The following ENTREP2 variants were observed in gnomAD, a reference collection of about 807,000 sequenced individuals.
The protein encoded by ENTREP2 is protein ENTREP2.
chr15:29,604,316 C>A, the ENTREP2 span, among the ~76,000 whole-genome samples: 1 of 152,026 alleles, frequency 6.6e-6, no homozygotes, highest in Non-Finnish European at 1.5e-5. Flanking sequence ...ACATTGTGGT[C>A]GAGAATAGAA....
chr15:29,269,975 C>T, the ENTREP2 span: 1 of 420,020 alleles, frequency 2.4e-6, no homozygotes, highest in Non-Finnish European at 4.2e-6. Flanking sequence ...GTTACCAAAC[C>T]ATGCAAACAG....
chr15:29,182,009 T>C, the ENTREP2 span, among the ~76,000 whole-genome samples: 1 of 151,888 alleles, frequency 6.6e-6, no homozygotes, highest in Non-Finnish European at 1.5e-5. Context: ...ATGTGAAGAC[T>C]GGAAAAGAAG....
chr15:29,674,725 G>C, the ENTREP2 span, among the ~76,000 whole-genome samples: 2 of 150,962 alleles, frequency 1.3e-5, no homozygotes, highest in African/African-American at 4.9e-5. Flanking sequence ...AGGGAAGGAG[G>C]GGGTGTGGAG....
chr15:29,610,809 T>G, the ENTREP2 span: 9 of 140,850 alleles, frequency 6.4e-5, 1 homozygote, highest in African/African-American at 1.0e-4. Flanking sequence ...GTGACTATTC[T>G]GCACTGAAAC....
the ENTREP2 span, among the ~76,000 whole-genome samples, chr15:29,648,083 C>A: frequency 6.8e-6 from 1 of 146,344 alleles, no homozygotes. Context: ...ATACCGGCTC[C>A]ACCTGAACAT....
chr15:29,625,377 T>C, the ENTREP2 span, among the ~76,000 whole-genome samples: 5 of 152,232 alleles, frequency 3.3e-5, no homozygotes, highest in Non-Finnish European at 7.3e-5. Flanking sequence ...TACTGGGTTG[T>C]ATTGTTAGTA....
chr15:29,209,366 G>A, the ENTREP2 span, among the ~76,000 whole-genome samples: 1 of 152,138 alleles, frequency 6.6e-6, no homozygotes, highest in Non-Finnish European at 1.5e-5. Flanking sequence ...GCTGGGCGTG[G>A]TGGTGGGCAC....
chr15:29,138,628 T>G, the ENTREP2 span, among the ~76,000 whole-genome samples: 1 of 151,316 alleles, frequency 6.6e-6, no homozygotes, highest in African/African-American at 2.4e-5. Flanking sequence ...TATGTGTATG[T>G]GCATGTGTAT....
the ENTREP2 span, among the ~76,000 whole-genome samples, chr15:29,202,938 A>G: frequency 3.3e-5 from 5 of 152,322 alleles, no homozygotes; most frequent in South Asian, 2.1e-4. Flanking sequence ...TAGTGCTGCA[A>G]TAAACATACA....
chr15:29,490,071 G>C, the ENTREP2 span, among the ~76,000 whole-genome samples: 3 of 152,260 alleles, frequency 2.0e-5, no homozygotes, highest in East Asian at 3.9e-4. Flanking sequence ...GTCCATTCTC[G>C]CTCTCCAGTA....
the ENTREP2 span, among the ~76,000 whole-genome samples, chr15:29,231,069 C>G: frequency 6.6e-6 from 1 of 151,966 alleles, no homozygotes; most frequent in Non-Finnish European, 1.5e-5. Flanking sequence ...GTAATGTGAG[C>G]CTGCAACGTG....
At chr15:29,486,584 G>C in the ENTREP2 span, among the ~76,000 whole-genome samples, 1 of 152,196 alleles carries the variant, frequency 6.6e-6, no homozygotes, top group Non-Finnish European at 1.5e-5. Context: ...CAGCTACTCA[G>C]GAGGCAGAGG....
chr15:29,232,541 G>A, the ENTREP2 span, among the ~76,000 whole-genome samples: 1 of 151,854 alleles, frequency 6.6e-6, no homozygotes, highest in Non-Finnish European at 1.5e-5. Context: ...CACCCACACT[G>A]GAGTGCAGTG....
At chr15:29,368,391 T>C in the ENTREP2 span, among the ~76,000 whole-genome samples, 1 of 151,202 alleles carries the variant, frequency 6.6e-6, no homozygotes, top group East Asian at 2.0e-4. Flanking sequence ...CACATATATA[T>C]ACACACATAC....
At chr15:29,657,449 G>C in the ENTREP2 span, among the ~76,000 whole-genome samples, 1 of 132,750 alleles carries the variant, frequency 7.5e-6, no homozygotes, top group Non-Finnish European at 1.6e-5. Context: ...CACAGAAGTG[G>C]ACCCCTGCGA....
the ENTREP2 span, among the ~76,000 whole-genome samples, chr15:29,170,247 G>T: frequency 7.1e-6 from 1 of 139,888 alleles, no homozygotes; most frequent in Admixed American, 8.0e-5. Context: ...GGTGGAGCTT[G>T]CAGTGAGCTG....
chr15:29,451,480 G>A, the ENTREP2 span, among the ~76,000 whole-genome samples: 2 of 152,160 alleles, frequency 1.3e-5, no homozygotes, highest in Admixed American at 1.3e-4. Flanking sequence ...CATGTCGGGG[G>A]CGCGAGGGGC....
chr15:29,360,194 T>A, the ENTREP2 span, among the ~76,000 whole-genome samples: 1 of 152,254 alleles, frequency 6.6e-6, no homozygotes, highest in Non-Finnish European at 1.5e-5. Flanking sequence ...ACAGTTATAA[T>A]AATTTTTTCT....
At chr15:29,356,268 G>GTATA in the ENTREP2 span, among the ~76,000 whole-genome samples, 320 of 57,590 alleles carry the variant, frequency 5.6e-3, 3 homozygotes, top group East Asian at 7.3e-3. Flanking sequence ...GTGTGTGTGT[G>GTATA]TATATATATA....
Sources: gnomAD v4.1 joint callset for allele counts (sites outside exome capture counted in the v4.1 genomes callset) on GRCh38, gnomAD v4.1.1 for gene constraint, MANE v1.5 for transcripts, NCBI Gene and HGNC (gene_info 2026-07-23, HGNC 2026-07-21) for gene names.